Variants in SYT16 observed in about 807,000 individuals in gnomAD.
SYT16 encodes synaptotagmin-16.
In SYT16, 42 loss-of-function variants were observed where a neutral mutation model predicts 61.4. The observed-to-expected ratio is 0.68, with a 90% CI of 0.53 to 0.89. The LOEUF (loss-of-function observed/expected upper bound fraction) is 0.89. Ranked by LOEUF, SYT16 falls within the 40% of genes least tolerant of loss-of-function variation. The pLI is 0.00. For missense variants in SYT16, 804 were observed against 807.3 expected (o/e 1.00, Z 0.05); for synonymous variants, 314 against 302.3 (o/e 1.04, Z -0.40).
intron 1 of SYT16, among the ~76,000 whole-genome samples, chr14:61,846,288 C>T (rs985373652): frequency 6.6e-6 from 1 of 152,058 alleles, no homozygotes; most frequent in Non-Finnish European, 1.5e-5. Flanking sequence ...TATTATTGTA[C>T]TGGGGCCTGT....
intron 7 of SYT16, among the ~76,000 whole-genome samples, chr14:62,085,854 A>G (rs993079749): frequency 1.3e-5 from 2 of 152,192 alleles, no homozygotes; most frequent in African/African-American, 4.8e-5. Context: ...CTAGATACCA[A>G]TTTGTTTTCC....
intron 1 of SYT16, among the ~76,000 whole-genome samples, chr14:61,881,307 C>T (rs916375340): frequency 6.6e-6 from 1 of 152,212 alleles, no homozygotes; most frequent in Non-Finnish European, 1.5e-5. Flanking sequence ...GGCTGCTCCC[C>T]TTCTCAGCAA....
chr14:61,927,528 T>C (rs1270548544), intron 1 of SYT16, among the ~76,000 whole-genome samples: 1 of 152,264 alleles, frequency 6.6e-6, no homozygotes, highest in Non-Finnish European at 1.5e-5. Context: ...GCAGCAAATT[T>C]ATCAGGATGA....
At chr14:61,813,878 A>G (rs1341991051) in intron 1 of SYT16, among the ~76,000 whole-genome samples, 1 of 151,276 alleles carries the variant, frequency 6.6e-6, no homozygotes, top group Non-Finnish European at 1.5e-5. Flanking sequence ...TTCTGCAATA[A>G]TTTATTATTT....
At chr14:61,965,885 A>G (rs2051295699) in intron 1 of SYT16, among the ~76,000 whole-genome samples, 1 of 152,152 alleles carries the variant, frequency 6.6e-6, no homozygotes, top group Admixed American at 6.6e-5. Flanking sequence ...AATGAACAAA[A>G]GAGACTCACA....
intron 5 of SYT16, among the ~76,000 whole-genome samples, chr14:62,078,908 G>T (rs1359021251): frequency 1.3e-5 from 2 of 152,212 alleles, no homozygotes; most frequent in African/African-American, 4.8e-5. Context: ...CTGTGCCTTA[G>T]GGGAAGATGG....
intron 2 of SYT16, among the ~76,000 whole-genome samples, chr14:61,980,960 TTG>T (rs3081455): frequency 7.4e-5 from 11 of 149,094 alleles, no homozygotes; most frequent in Admixed American, 2.0e-4. Flanking sequence ...GTGTGTGTGT[TTG>T]TGTGTGTGTG....
intron 2 of SYT16, among the ~76,000 whole-genome samples, chr14:61,993,366 A>G (rs2052636314): frequency 1.3e-5 from 2 of 152,148 alleles, no homozygotes; most frequent in South Asian, 4.1e-4. Context: ...TCACCATGGC[A>G]CATGTATACC....
chr14:61,853,119 A>G (rs6573404), intron 1 of SYT16, among the ~76,000 whole-genome samples: 3,952 of 152,284 alleles, frequency 0.026, 137 homozygotes, highest in African/African-American at 0.071. Flanking sequence ...GGGTTTCACC[A>G]TGTTGGCCAG....
chr14:61,945,046 AAAAC>A (rs2050367533), intron 1 of SYT16, among the ~76,000 whole-genome samples: 1 of 152,098 alleles, frequency 6.6e-6, no homozygotes. Flanking sequence ...TACAAGAAAA[AAAAC>A]AACCCCATCA....
chr14:62,034,158 C>A (rs1350289636), intron 3 of SYT16, among the ~76,000 whole-genome samples: 1 of 152,144 alleles, frequency 6.6e-6, no homozygotes, highest in African/African-American at 2.4e-5. Flanking sequence ...GAGGTGCCAC[C>A]TTGTACCCAC....
chr14:61,999,176 A>T (rs527566918), intron 3 of SYT16, among the ~76,000 whole-genome samples: 108 of 151,750 alleles, frequency 7.1e-4, no homozygotes, highest in Non-Finnish European at 1.2e-3. Context: ...TTCCTTTCCT[A>T]TAAACTAGAA....
chr14:62,076,231 A>G (rs1595358995), intron 5 of SYT16, among the ~76,000 whole-genome samples: 1 of 152,204 alleles, frequency 6.6e-6, no homozygotes, highest in Admixed American at 6.5e-5. Flanking sequence ...ATTCTGTGAC[A>G]TTGGAAGGCA....
chr14:62,073,790 A>G (rs957145223), intron 4 of SYT16, among the ~76,000 whole-genome samples: 2 of 152,202 alleles, frequency 1.3e-5, no homozygotes, highest in Admixed American at 6.5e-5. Flanking sequence ...ATATTGCTGC[A>G]TACCTGGCTG....
chr14:62,111,611 T>G lies in SYT16; in HGVS notation c.*10904T>G, dbSNP rs1037425861. ...TTTCTAAGTCACTAGAAGAATTTCT[T>G]GGCAAATTGATTGTTCAAGGCCAGT... On this transcript the variant is annotated 3_prime_UTR_variant, in exon 8 of 8. Coordinates refer to ENST00000683842, the MANE Select transcript of SYT16 (RefSeq NM_001367656.1). 2.6e-5 allele frequency: 4 copies of G among 152,132 alleles called. No individual in the cohort carries two copies. Among genetic ancestry groups the G allele is most frequent in the Non-Finnish European group, 5.9e-5 (4 of 67,962 alleles). 9.4% of individuals were successfully genotyped at this position (152,132 alleles called of 1,614,324 possible).
chr14:61,907,413 A>G (rs1156425273), intron 1 of SYT16, among the ~76,000 whole-genome samples: 1 of 152,232 alleles, frequency 6.6e-6, no homozygotes. Context: ...TTGGCAGCTT[A>G]AAATAACTTT....
At chr14:61,953,373 T>A (rs1048056459) in intron 1 of SYT16, among the ~76,000 whole-genome samples, 3 of 148,608 alleles carry the variant, frequency 2.0e-5, no homozygotes, top group African/African-American at 4.9e-5. Context: ...ATGGTCCAAA[T>A]TTTTTTTTTT....
At chr14:61,905,110 A>T (rs2048655587) in intron 1 of SYT16, among the ~76,000 whole-genome samples, 2 of 152,152 alleles carry the variant, frequency 1.3e-5, no homozygotes, top group South Asian at 4.1e-4. Flanking sequence ...CAATAACCTG[A>T]TTTCTAGGAA....
intron 1 of SYT16, among the ~76,000 whole-genome samples, chr14:61,816,843 C>G (rs187410814): frequency 4.0e-5 from 6 of 151,772 alleles, no homozygotes; most frequent in African/African-American, 1.5e-4. Context: ...AACCCCGTCT[C>G]CACTAAAAAT....
Sources: gnomAD v4.1 joint callset for allele counts (sites outside exome capture counted in the v4.1 genomes callset) on GRCh38, gnomAD v4.1.1 for gene constraint, MANE v1.5 for transcripts, NCBI Gene and HGNC (gene_info 2026-07-23, HGNC 2026-07-21) for gene names.